Variants in MTERF4 observed in about 807,000 individuals in gnomAD.
MTERF4 encodes the protein transcription termination factor 4, mitochondrial.
A neutral mutation model predicts 22.5 loss-of-function variants in MTERF4; 17 were observed. That is an observed-to-expected ratio of 0.75 (90% CI 0.52 to 1.13). MTERF4 has a LOEUF of 1.13. Among genes scored for constraint, MTERF4 ranks in the 50% most tolerant of loss-of-function variants. The probability of loss-of-function intolerance (pLI) is 0.00; values close to 1 mark genes in which losing one functional copy is unlikely to be tolerated. For synonymous variants in MTERF4, 165 were observed against 175.3 expected, an observed-to-expected ratio of 0.94 and a Z score of 0.47; for missense variants, 420 against 466.8, an observed-to-expected ratio of 0.90 and a Z score of 0.92.
At chr2:241,065,017 G>GGA in the MTERF4 span, 1 of 1,301,694 alleles carries the variant, frequency 7.7e-7, no homozygotes, top group Non-Finnish European at 1.0e-6. Context: ...TCCCTAGAGG[G>GGA]CCCAACGGTC....
At chr2:241,084,232 G>A (rs1241164454), downstream of MTERF4, among the ~76,000 whole-genome samples, 2 of 151,036 alleles carry the variant, frequency 1.3e-5, no homozygotes, top group Non-Finnish European at 2.9e-5. Context: ...TGCCTCCTGG[G>A]TTCAAGCAAT....
downstream of MTERF4, among the ~76,000 whole-genome samples, chr2:241,089,581 C>G (rs74000366): frequency 0.011 from 1,713 of 152,304 alleles, 41 homozygotes; most frequent in African/African-American, 0.039. Context: ...TGGAAAGTCT[C>G]TCCATAAGAG....
At chr2:241,089,832 C>T, downstream of MTERF4, 1 of 1,351,202 alleles carries the variant, frequency 7.4e-7, no homozygotes, top group Non-Finnish European at 9.8e-7. Context: ...CGCACCTAGG[C>T]TGTGTGGCAG....
At chr2:241,043,384 C>G in the MTERF4 span, among the ~76,000 whole-genome samples, 3 of 152,176 alleles carry the variant, frequency 2.0e-5, no homozygotes, top group African/African-American at 7.2e-5. Flanking sequence ...AAAAAACCAT[C>G]AACCTAGTGT....
the MTERF4 span, among the ~76,000 whole-genome samples, chr2:241,045,728 T>A: frequency 0.013 from 1,862 of 138,740 alleles, 29 homozygotes; most frequent in African/African-American, 0.047. Context: ...AAAAAAAAAA[T>A]TTATGACCTG....
the MTERF4 span, chr2:241,064,854 C>T: frequency 6.3e-7 from 1 of 1,587,342 alleles, no homozygotes; most frequent in Non-Finnish European, 8.5e-7. This position sits in a 1 kb window ranked among gnomAD's most constrained non-coding sequence, Gnocchi z 7.0. Flanking sequence ...TGAGTGACCC[C>T]TGCTTCTCCA....
intron 2 of MTERF4, among the ~76,000 whole-genome samples, 171 bp from the exon 3 acceptor site, chr2:241,097,598 A>G (rs1367257945): frequency 6.6e-6 from 1 of 152,204 alleles, no homozygotes; most frequent in Non-Finnish European, 1.5e-5. Flanking sequence ...TGGAAATGAT[A>G]CATCTCCCCA....
chr2:241,048,997 A>T, the MTERF4 span: 1 of 1,577,006 alleles, frequency 6.3e-7, no homozygotes. Flanking sequence ...GGAATATGGG[A>T]TGGGGCTTCC....
In MTERF4 at chr2:241,099,550, T is replaced by C. The variant is rs1448695006; in HGVS notation, c.366A>G (p.Gln122=). ...ATTCTGAAATGATGTCCAGCAACTG[T>C]TGAAGACTGGCACCTCGCCGTACAC... ...LLSVRRGASL[Q]QLLDIISEFI... The change falls in exon 2 of 4, where the codon CAA becomes CAG. Residue 122 remains glutamine, a synonymous_variant. Transcript: ENST00000391980. 4 of 1,614,110 alleles carry C rather than the reference T, an allele frequency of 2.5e-6. No individual in the cohort carries two copies. Among genetic ancestry groups the C allele is most frequent in the Non-Finnish European group, 3.4e-6 (4 of 1,180,054 alleles).
the MTERF4 span, chr2:241,063,661 C>T: frequency 1.4e-4 from 218 of 1,611,942 alleles, no homozygotes; most frequent in Middle Eastern, 1.6e-4. Flanking sequence ...CTATGTCTGC[C>T]GGTGCCCTGC....
the MTERF4 span, among the ~76,000 whole-genome samples, chr2:241,053,887 G>A: frequency 6.6e-6 from 1 of 152,182 alleles, no homozygotes; most frequent in Non-Finnish European, 1.5e-5. Context: ...CAGGTGCATC[G>A]CATTATGCCA....
At chr2:241,069,052 A>T, downstream of MTERF4, 1 of 1,455,004 alleles carries the variant, frequency 6.9e-7, no homozygotes, top group Non-Finnish European at 9.4e-7. This position sits in a 1 kb window ranked among gnomAD's most constrained non-coding sequence, Gnocchi z 4.9. Flanking sequence ...CCCCCGGCAC[A>T]CGAAAGGCCG....
the MTERF4 span, among the ~76,000 whole-genome samples, chr2:241,054,118 T>C: frequency 1.1e-4 from 13 of 115,976 alleles, no homozygotes; most frequent in African/African-American, 1.7e-4. Flanking sequence ...CATCCCTCCT[T>C]TCCTTCTGGG....
intron 4 of MTERF4, among the ~76,000 whole-genome samples, chr2:241,078,382 C>CAAA (rs60965517): frequency 1.6e-4 from 19 of 116,174 alleles, no homozygotes; most frequent in African/African-American, 5.1e-4. Context: ...GACTCCGTCT[C>CAAA]AAAAAAAAAA....
downstream of MTERF4, among the ~76,000 whole-genome samples, chr2:241,090,906 G>A (rs941044111): frequency 1.6e-4 from 24 of 151,852 alleles, no homozygotes; most frequent in African/African-American, 5.8e-4. Flanking sequence ...TCTGTACGAT[G>A]GCTATGACCT....
At chr2:241,047,528 T>C in the MTERF4 span, among the ~76,000 whole-genome samples, 1 of 152,264 alleles carries the variant, frequency 6.6e-6, no homozygotes, top group African/African-American at 2.4e-5. Context: ...TCAAGTGCTC[T>C]TGGCCATCAT....
chr2:241,070,153 G>A, downstream of MTERF4: 1 of 1,608,406 alleles, frequency 6.2e-7, no homozygotes, highest in Non-Finnish European at 8.5e-7. Flanking sequence ...GCAGAGCACG[G>A]AGCTCGGGCC....
downstream of MTERF4, chr2:241,067,919 G>A (rs1414449770): frequency 6.2e-7 from 1 of 1,613,076 alleles, no homozygotes; most frequent in Non-Finnish European, 8.5e-7. Context: ...CACCGATGTG[G>A]ACAGGAGTGT....
At chr2:241,093,226 C>T (rs890156584), downstream of MTERF4, 2 of 152,646 alleles carry the variant, frequency 1.3e-5, no homozygotes, top group Non-Finnish European at 2.9e-5. Flanking sequence ...CGAAGGGTCA[C>T]TGGGTGAACT....
Sources: allele counts gnomAD v4.1 joint callset (sites outside exome capture counted in the v4.1 genomes callset), GRCh38; gene constraint gnomAD v4.1.1; non-coding constraint Gnocchi (gnomAD v3.1); transcripts MANE v1.5; gene names NCBI Gene and HGNC (gene_info 2026-07-23, HGNC 2026-07-21).